Variants in EIF3H observed in about 807,000 individuals in gnomAD.
The protein encoded by EIF3H is eukaryotic translation initiation factor 3 subunit H, also known as eIF-3-gamma.
Under a neutral mutation model 44.2 loss-of-function variants are expected in EIF3H, and 26 were observed. The ratio of observed to expected loss-of-function variants is 0.59; its 90% confidence interval spans 0.43 to 0.82. The LOEUF (loss-of-function observed/expected upper bound fraction) is 0.82, where lower values mean the gene tolerates loss of function less well. EIF3H is among the 40% of genes least tolerant of loss of function. The probability of loss-of-function intolerance (pLI) is 0.00; values close to 1 mark genes in which losing one functional copy is unlikely to be tolerated. For synonymous variants in EIF3H, 166 were observed against 151.9 expected, an observed-to-expected ratio of 1.09 and a Z score of -0.68; for missense variants, 359 against 432.8, an observed-to-expected ratio of 0.83 and a Z score of 1.51.
chr8:116,712,649 T>C (rs1231409720), intron 2 of EIF3H, among the ~76,000 whole-genome samples: 1 of 152,162 alleles, frequency 6.6e-6, no homozygotes, highest in African/African-American at 2.4e-5. Flanking sequence ...AAACTGCTAA[T>C]AGGTAAGCCA....
chr8:116,726,586 C>T (rs1398889302), intron 1 of EIF3H, among the ~76,000 whole-genome samples: 3 of 152,190 alleles, frequency 2.0e-5, no homozygotes, highest in Non-Finnish European at 4.4e-5. Flanking sequence ...TCTCAATTAT[C>T]GGGACACCTG....
At chr8:116,649,422 TC>T (rs1220050724) in intron 5 of EIF3H, among the ~76,000 whole-genome samples, 1 of 152,164 alleles carries the variant, frequency 6.6e-6, no homozygotes, top group African/African-American at 2.4e-5. Context: ...GAGGCTCCTT[TC>T]CTCTTACCTT....
At chr8:116,755,062 T>C (rs1241195337) in intron 1 of EIF3H, among the ~76,000 whole-genome samples, 1 of 152,238 alleles carries the variant, frequency 6.6e-6, no homozygotes, top group Non-Finnish European at 1.5e-5. Flanking sequence ...TCCATTTCCT[T>C]ATCAAGAATT....
intron 2 of EIF3H, among the ~76,000 whole-genome samples, chr8:116,680,749 A>C (rs6984209): frequency 4.1e-5 from 6 of 145,902 alleles, no homozygotes; most frequent in Non-Finnish European, 9.0e-5. Flanking sequence ...TTGTTTATCT[A>C]CTGACCTTCC....
At chr8:116,650,243 G>A (rs530837642) in intron 5 of EIF3H, among the ~76,000 whole-genome samples, 78 of 152,166 alleles carry the variant, frequency 5.1e-4, no homozygotes, top group Non-Finnish European at 1.0e-3. Flanking sequence ...GGGTGTTGGC[G>A]AGGATGTGGA....
At chr8:116,657,077 A>G (rs1813503190) in intron 4 of EIF3H, 138 bp downstream of exon 4, 2 of 711,934 alleles carry the variant, frequency 2.8e-6, no homozygotes, top group African/African-American at 1.8e-5. Flanking sequence ...AGCAAGCAGC[A>G]CTCGGCATGC....
upstream of EIF3H, among the ~76,000 whole-genome samples, chr8:116,757,501 ACAT>A (rs529129648): frequency 1.1e-3 from 170 of 152,272 alleles, no homozygotes; most frequent in African/African-American, 3.9e-3. Flanking sequence ...TAGACTTTGA[ACAT>A]CTTCTTTCCC....
At chr8:116,760,275 C>T (rs766321180), upstream of EIF3H, among the ~76,000 whole-genome samples, 89 of 152,192 alleles carry the variant, frequency 5.8e-4, no homozygotes, top group Non-Finnish European at 1.1e-3. Flanking sequence ...GGAAACCTCT[C>T]CCCCAGTCAT....
At chr8:116,691,869 C>CAAAAAA (rs373127282) in intron 2 of EIF3H, among the ~76,000 whole-genome samples, 3 of 134,448 alleles carry the variant, frequency 2.2e-5, no homozygotes, top group African/African-American at 8.4e-5. Flanking sequence ...AAGACTGTCT[C>CAAAAAA]AAAAAAAAAA....
Position 116,753,828 on chromosome 8 carries a change from C to T in EIF3H, c.132+1838G>A, listed in dbSNP as rs147218066. 8.2e-3 allele frequency among the ~76,000 whole-genome samples: 1,245 copies of T among 152,268 alleles called. 19 individuals are homozygous for T. Among genetic ancestry groups the T allele is most frequent in the African/African-American group, 0.028 (1,183 of 41,546 alleles). On this transcript the variant is annotated intron_variant, in intron 1 of 7. Coordinates refer to ENST00000521861, the MANE Select transcript of EIF3H (RefSeq NM_003756.3). ...AAAATATTTGCTAAATAAATGATCT[C>T]CAAATAGATTTATGCCACCGACCTG...
intron 2 of EIF3H, among the ~76,000 whole-genome samples, chr8:116,717,099 A>G (rs1814671171): frequency 6.6e-6 from 1 of 152,130 alleles, no homozygotes; most frequent in Non-Finnish European, 1.5e-5. Flanking sequence ...ATATATCCAT[A>G]TAACAGAAAA....
intron 2 of EIF3H, among the ~76,000 whole-genome samples, chr8:116,723,829 T>G (rs73701461): frequency 6.6e-6 from 1 of 152,066 alleles, no homozygotes. Context: ...TAAAAGATGA[T>G]GTATATAAAT....
chr8:116,728,051 A>C (rs541299675), intron 1 of EIF3H, among the ~76,000 whole-genome samples: 1 of 152,184 alleles, frequency 6.6e-6, no homozygotes, highest in Non-Finnish European at 1.5e-5. Flanking sequence ...AAATTACAAC[A>C]CATGGCTTTT....
chr8:116,668,111 C>T (rs545203848), intron 2 of EIF3H, among the ~76,000 whole-genome samples: 2 of 152,196 alleles, frequency 1.3e-5, no homozygotes, highest in Non-Finnish European at 2.9e-5. Context: ...CTCCAACACT[C>T]GGGTTATAAT....
Position 116,699,732 on chromosome 8 carries a change from T to C in EIF3H, c.289+26284A>G, listed in dbSNP as rs751759949. On this transcript the variant is annotated intron_variant, in intron 2 of 7. Transcript: ENST00000521861. ...ATAAAAATAAATACATATAAATGAATGCATAGGCGCCCTAATTATTCTCTT... is the reference window on the plus strand; with the variant it reads ...ATAAAAATAAATACATATAAATGAACGCATAGGCGCCCTAATTATTCTCTT... 4.6e-5 allele frequency among the ~76,000 whole-genome samples: 7 copies of C among 152,212 alleles called. No homozygotes were observed. In the East Asian group the frequency reaches 9.6e-4, roughly 21 times the overall value.
chr8:116,660,782 C>A (rs1466643668), intron 2 of EIF3H, among the ~76,000 whole-genome samples: 1 of 152,052 alleles, frequency 6.6e-6, no homozygotes, highest in African/African-American at 2.4e-5. Context: ...TACCAGACAC[C>A]AGACACCAGA....
chr8:116,706,030 G>A (rs539773117), intron 2 of EIF3H, among the ~76,000 whole-genome samples: 2 of 150,024 alleles, frequency 1.3e-5, no homozygotes, highest in African/African-American at 4.9e-5. Context: ...AACTTTCTTG[G>A]AGTAAACACT....
At chr8:116,725,898 G>C in intron 2 of EIF3H, 118 bp downstream of exon 2, 1 of 1,233,120 alleles carries the variant, frequency 8.1e-7, no homozygotes, top group Non-Finnish European at 1.1e-6. Flanking sequence ...CAGACATCAA[G>C]TGAAGTAGGC....
chr8:116,707,689 T>G (rs16888663), intron 2 of EIF3H, among the ~76,000 whole-genome samples: 2,049 of 152,264 alleles, frequency 0.013, 55 homozygotes, highest in African/African-American at 0.047. Context: ...CACATATCAG[T>G]AAAGCCCTCA....
Sources: allele counts gnomAD v4.1 joint callset (sites outside exome capture counted in the v4.1 genomes callset), GRCh38; gene constraint gnomAD v4.1.1; transcripts MANE v1.5; gene names NCBI Gene and HGNC (gene_info 2026-07-23, HGNC 2026-07-21).